KCNMA1: variants seen among roughly 807,000 people sequenced by gnomAD.
The protein encoded by KCNMA1 is potassium calcium-activated channel subfamily M alpha 1.
KCNMA1 carries 29 observed loss-of-function variants against 140.0 expected under a neutral mutation model. The ratio of observed to expected loss-of-function variants is 0.21; its 90% CI spans 0.15 to 0.28. The LOEUF (loss-of-function observed/expected upper bound fraction) is 0.28, where lower values mean the gene tolerates loss of function less well. Among genes scored for constraint, KCNMA1 ranks in the 10% least tolerant of loss-of-function variants. The probability of loss-of-function intolerance (pLI) is 1.00; values close to 1 mark genes in which losing one functional copy is unlikely to be tolerated. For synonymous variants in KCNMA1, 612 were observed against 611.9 expected, an observed-to-expected ratio of 1.00 and a Z score of 0.00; for missense variants, 880 against 1,602.2, an observed-to-expected ratio of 0.55 and a Z score of 7.70.
At chr10:77,335,849 C>T (rs1046481800) in intron 2 of KCNMA1, among the ~76,000 whole-genome samples, 2 of 152,152 alleles carry the variant, frequency 1.3e-5, no homozygotes, top group African/African-American at 4.8e-5. Context: ...GAAACTCAAG[C>T]CCGGTCAGGT....
chr10:77,125,744 C>A (rs2097718248), intron 5 of KCNMA1, among the ~76,000 whole-genome samples: 1 of 152,210 alleles, frequency 6.6e-6, no homozygotes, highest in South Asian at 2.1e-4. Flanking sequence ...CAGCATTGAA[C>A]ATAGTGTCTG....
At chr10:77,314,203 C>T (rs999438194) in intron 2 of KCNMA1, 2 of 152,152 alleles carry the variant, frequency 1.3e-5, no homozygotes, top group African/African-American at 4.8e-5. Context: ...CCAAAAGCCA[C>T]TGATGAATCT....
At chr10:77,252,909 A>T (rs1025487210) in intron 2 of KCNMA1, among the ~76,000 whole-genome samples, 9 of 151,984 alleles carry the variant, frequency 5.9e-5, no homozygotes, top group Non-Finnish European at 8.8e-5. Context: ...AACATGCTCC[A>T]ATTGAATGCT....
intron 23 of KCNMA1, among the ~76,000 whole-genome samples, chr10:76,921,572 A>G (rs965869550): frequency 6.6e-6 from 1 of 152,242 alleles, no homozygotes; most frequent in Non-Finnish European, 1.5e-5. Context: ...ATGAGACTCA[A>G]TTTGGACTTT....
Position 77,448,438 on chromosome 10 carries a change from G to A in KCNMA1, c.379-44415C>T, listed in dbSNP as rs574281990. ...ATAATTGTCACAGTGCCTGCCACCG[G>A]CCAGGCCTCTGCACACATTCACTTT... On this transcript the variant is annotated intron_variant, in intron 1 of 27. Coordinates refer to ENST00000286628, the MANE Select transcript of KCNMA1 (RefSeq NM_001161352.2). Among the ~76,000 whole-genome samples the A allele has an allele frequency of 5.3e-5, 8 of 152,224 alleles. No individual in the cohort carries two copies. The East Asian group carries it at 1.5e-3, about 29-fold the overall frequency.
chr10:76,887,773 G>T, intron 27 of KCNMA1: 1 of 514,468 alleles, frequency 1.9e-6, no homozygotes, highest in Non-Finnish European at 3.5e-6. Flanking sequence ...ACCAAACTTC[G>T]CTTCTCGTGG....
intron 5 of KCNMA1, among the ~76,000 whole-genome samples, chr10:77,179,722 C>T (rs756227053): frequency 6.6e-6 from 1 of 152,178 alleles, no homozygotes; most frequent in Non-Finnish European, 1.5e-5. Context: ...CCTCCCACCA[C>T]TCCCAGGAGA....
At chr10:77,634,718 G>A in intron 1 of KCNMA1, 1 of 895,280 alleles carries the variant, frequency 1.1e-6, no homozygotes, top group Non-Finnish European at 1.3e-6. Context: ...CCAAATACAT[G>A]CCTGTGTATC....
At chr10:77,286,539 G>A (rs1292081212) in intron 2 of KCNMA1, among the ~76,000 whole-genome samples, 1 of 152,178 alleles carries the variant, frequency 6.6e-6, no homozygotes, top group Non-Finnish European at 1.5e-5. Flanking sequence ...AGTTTATGGA[G>A]TTTTATGCAT....
intron 1 of KCNMA1, among the ~76,000 whole-genome samples, chr10:77,431,681 TAAAAAAAAAAAAAAAAAAA>T (rs71028276): frequency 6.6e-5 from 5 of 75,438 alleles, no homozygotes; most frequent in Admixed American, 1.4e-4. Flanking sequence ...TGGTCTGTTG[TAAAAAAAAAAAAAAAAAAA>T]AAAAAAAAAA....
chr10:77,522,283 T>C (rs944300955), intron 1 of KCNMA1, among the ~76,000 whole-genome samples: 6 of 152,146 alleles, frequency 3.9e-5, no homozygotes, highest in African/African-American at 1.2e-4. Flanking sequence ...TAGGGGACTC[T>C]ATGACTCCAC....
At chr10:77,515,361 T>C (rs2050029235) in intron 1 of KCNMA1, among the ~76,000 whole-genome samples, 2 of 151,872 alleles carry the variant, frequency 1.3e-5, no homozygotes, top group African/African-American at 4.8e-5. Flanking sequence ...TTTGTAAATA[T>C]AGGCAATTGA....
chr10:77,367,517 C>T (rs1304304647), intron 2 of KCNMA1, among the ~76,000 whole-genome samples: 1 of 152,110 alleles, frequency 6.6e-6, no homozygotes, highest in Non-Finnish European at 1.5e-5. Context: ...CATTGCTAAA[C>T]CTCTTGAATA....
At chr10:77,079,658 G>A in intron 12 of KCNMA1, 108 bp from the exon 13 acceptor site, 1 of 784,780 alleles carries the variant, frequency 1.3e-6, no homozygotes. Flanking sequence ...ACTGAGGTAG[G>A]AGGCAGGACT....
At chr10:77,160,978 T>G (rs561974088) in intron 5 of KCNMA1, among the ~76,000 whole-genome samples, 4 of 152,336 alleles carry the variant, frequency 2.6e-5, no homozygotes, top group African/African-American at 9.6e-5. Flanking sequence ...ACCATGCTCT[T>G]GACTTACGAG....
At chr10:77,617,897 G>A (rs1443076784) in intron 1 of KCNMA1, among the ~76,000 whole-genome samples, 2 of 152,084 alleles carry the variant, frequency 1.3e-5, no homozygotes, top group East Asian at 1.9e-4. Flanking sequence ...GGACTCGGGA[G>A]CCCCTTCAGC....
chr10:76,973,998 G>A (rs1026930232), intron 19 of KCNMA1: 1 of 152,666 alleles, frequency 6.6e-6, no homozygotes, highest in Non-Finnish European at 1.5e-5. Flanking sequence ...TGCCCTTTAA[G>A]ATTTAAAGGT....
intron 2 of KCNMA1, among the ~76,000 whole-genome samples, chr10:77,281,826 C>T (rs528555152): frequency 6.6e-6 from 1 of 152,176 alleles, no homozygotes; most frequent in African/African-American, 2.4e-5. Flanking sequence ...GTATTAAATG[C>T]TCAGAATAGA....
At chr10:77,009,508 C>A (rs943341097) in intron 18 of KCNMA1, among the ~76,000 whole-genome samples, 1 of 152,188 alleles carries the variant, frequency 6.6e-6, no homozygotes, top group Non-Finnish European at 1.5e-5. Flanking sequence ...CACTTCCACT[C>A]CTTCCTCCCG....
Sources: gnomAD v4.1 joint callset for allele counts (sites outside exome capture counted in the v4.1 genomes callset) on GRCh38, gnomAD v4.1.1 for gene constraint, MANE v1.5 for transcripts, NCBI Gene and HGNC (gene_info 2026-07-23, HGNC 2026-07-21) for gene names.